SPATA13: variants seen among roughly 807,000 people sequenced by gnomAD.
SPATA13 encodes the protein spermatogenesis-associated protein 13.
SPATA13 carries 50 observed loss-of-function variants against 104.0 expected under a neutral mutation model. The ratio of observed to expected loss-of-function variants is 0.48; its 90% CI spans 0.38 to 0.61. The LOEUF (loss-of-function observed/expected upper bound fraction) is 0.61. Ranked by LOEUF, SPATA13 falls within the 20% of genes least tolerant of loss-of-function variation. The probability of loss-of-function intolerance (pLI) is 0.00; values close to 1 mark genes in which losing one functional copy is unlikely to be tolerated. For synonymous variants in SPATA13, 606 were observed against 667.5 expected, an observed-to-expected ratio of 0.91 and a Z score of 1.42; for missense variants, 1,524 against 1,690.6, an observed-to-expected ratio of 0.90 and a Z score of 1.73.
chr13:24,120,093 C>T (rs1880986029), intron 3 of SPATA13, among the ~76,000 whole-genome samples: 2 of 152,104 alleles, frequency 1.3e-5, no homozygotes, highest in African/African-American at 4.8e-5. Context: ...GGATCAGGTG[C>T]AGGCCTGCTG....
At chr13:24,212,022 G>T (rs1871048076) in intron 1 of SPATA13, among the ~76,000 whole-genome samples, 1 of 152,094 alleles carries the variant, frequency 6.6e-6, no homozygotes, top group Non-Finnish European at 1.5e-5. Flanking sequence ...TCCCCTACTA[G>T]TGTGTCTACC....
chr13:24,067,618 G>A (rs986337590), intron 3 of SPATA13, among the ~76,000 whole-genome samples: 1 of 152,210 alleles, frequency 6.6e-6, no homozygotes, highest in African/African-American at 2.4e-5. Flanking sequence ...AGTTAACAGC[G>A]TGGAAGGCTC....
At chr13:24,211,918 G>T (rs556991870) in intron 1 of SPATA13, among the ~76,000 whole-genome samples, 1 of 152,218 alleles carries the variant, frequency 6.6e-6, no homozygotes, top group South Asian at 2.1e-4. Context: ...CCGTGTGTCG[G>T]CTGAAGGAGG....
Position 24,011,005 on chromosome 13 carries a change from G to A in SPATA13, c.-146-6662G>A, listed in dbSNP as rs1876447685. 6.6e-6 allele frequency among the ~76,000 whole-genome samples: 1 copy of A among 152,094 alleles called. No individual in the cohort carries two copies. Among genetic ancestry groups the A allele is most frequent in the Non-Finnish European group, 1.5e-5 (1 of 68,018 alleles). ...AGGAATGTTCCCTCTCTGCCTTACT[G>A]CTTTCTTCTGTCTTTCCCTCTGCAC... On this transcript the variant is annotated intron_variant, in intron 2 of 14. Transcript: ENST00000424834. This position sits in a 1 kb window ranked among gnomAD's most constrained non-coding sequence, Gnocchi z 4.3.
intron 3 of SPATA13, among the ~76,000 whole-genome samples, chr13:24,022,975 A>G (rs1461213060): frequency 1.3e-5 from 2 of 152,116 alleles, no homozygotes; most frequent in East Asian, 1.9e-4. Context: ...GTTCTAGGGT[A>G]CATGTGCACA....
upstream of SPATA13, among the ~76,000 whole-genome samples, chr13:24,155,961 C>A (rs1882244925): frequency 6.6e-6 from 1 of 152,166 alleles, no homozygotes; most frequent in Non-Finnish European, 1.5e-5. Flanking sequence ...TGGGCTTATG[C>A]ATTTAATGTA....
At chr13:24,091,702 T>C (rs550920225) in intron 3 of SPATA13, among the ~76,000 whole-genome samples, 3 of 152,134 alleles carry the variant, frequency 2.0e-5, no homozygotes, top group Non-Finnish European at 4.4e-5. Flanking sequence ...TCCCAGGTAC[T>C]AAGGAGGCTG....
rs556129246 is a variant in SPATA13 at position 24,242,256 on chromosome 13, C to A, written c.1654-7221C>A. 8.5e-5 allele frequency among the ~76,000 whole-genome samples: 13 copies of A among 152,090 alleles called. No homozygotes were observed. The South Asian group carries it at 2.7e-3, about 32-fold the overall frequency. ...GTGAAGGTGAGGGCTGTGGGAGGAA[C>A]CAACACAGAAGAGTCCAAGCCGGAT... On this transcript the variant is annotated intron_variant, in intron 2 of 12. Transcript: ENST00000382108.
chr13:24,027,474 TTTA>T (rs1177051711), intron 3 of SPATA13, among the ~76,000 whole-genome samples: 1 of 152,172 alleles, frequency 6.6e-6, no homozygotes, highest in Non-Finnish European at 1.5e-5. Context: ...GTTTAGTGAT[TTTA>T]TTAATATTTC....
chr13:24,013,644 C>T (rs1357725111), intron 2 of SPATA13, among the ~76,000 whole-genome samples: 1 of 152,020 alleles, frequency 6.6e-6, no homozygotes, highest in Non-Finnish European at 1.5e-5. Context: ...TAACCTACAC[C>T]CATCGCTTTC....
intron 3 of SPATA13, among the ~76,000 whole-genome samples, chr13:24,120,983 C>T (rs1408168977): frequency 3.3e-5 from 5 of 152,158 alleles, no homozygotes; most frequent in East Asian, 3.9e-4. Flanking sequence ...AGATAACAAA[C>T]GATAACGAGG....
chr13:24,300,969 G>A (rs142739512), intron 12 of SPATA13, among the ~76,000 whole-genome samples: 30 of 152,260 alleles, frequency 2.0e-4, no homozygotes, highest in African/African-American at 5.5e-4. Context: ...AAAAAGACAC[G>A]TGAGCTGATT....
intron 4 of SPATA13, 152 bp from the exon 5 acceptor site, chr13:24,283,983 G>T: frequency 1.3e-6 from 1 of 745,090 alleles, no homozygotes; most frequent in Non-Finnish European, 2.1e-6. Context: ...CTTAACTTTG[G>T]AGTAATGTAG....
chr13:24,146,282 C>T (rs1881929337), intron 3 of SPATA13, among the ~76,000 whole-genome samples: 1 of 152,234 alleles, frequency 6.6e-6, no homozygotes, highest in Non-Finnish European at 1.5e-5. Flanking sequence ...GGCACTCCAG[C>T]TTCACTGACA....
intron 3 of SPATA13, among the ~76,000 whole-genome samples, chr13:24,119,924 C>T (rs527335683): frequency 1.3e-4 from 20 of 152,284 alleles, no homozygotes; most frequent in African/African-American, 4.8e-4. Context: ...AACAGAATTC[C>T]CATTAGCTTT....
chr13:24,052,209 A>C (rs938152890), intron 3 of SPATA13, among the ~76,000 whole-genome samples: 1 of 152,146 alleles, frequency 6.6e-6, no homozygotes, highest in African/African-American at 2.4e-5. Context: ...CCAAGTCTTT[A>C]TTTCTTGGTT....
rs546993891 is a variant in SPATA13, at chr13:24,246,594, T to C, written c.1654-2883T>C. Among the ~76,000 whole-genome samples, 3 of 152,320 alleles carry C rather than the reference T, an allele frequency of 2.0e-5. No individual in the cohort carries two copies. In the South Asian group the frequency reaches 6.2e-4, roughly 32 times the overall value. On this transcript the variant is annotated intron_variant, in intron 2 of 12. Coordinates refer to ENST00000382108, the MANE Select transcript of SPATA13 (RefSeq NM_001166271.3). ...TGTGACTCAGGCCGGGTGTGGTGGCTCACGCCTGTAATCCCAGCACTTTGG... is the reference window on the plus strand; with the variant it reads ...TGTGACTCAGGCCGGGTGTGGTGGCCCACGCCTGTAATCCCAGCACTTTGG...
At chr13:24,140,442 A>G (rs961918445) in intron 3 of SPATA13, among the ~76,000 whole-genome samples, 17 of 152,226 alleles carry the variant, frequency 1.1e-4, no homozygotes, top group Non-Finnish European at 7.3e-5. Context: ...TTTCATTTTC[A>G]AAAACCTTTA....
intron 3 of SPATA13, among the ~76,000 whole-genome samples, chr13:24,136,549 GGAAA>G (rs1308346306): frequency 2.0e-5 from 3 of 152,004 alleles, no homozygotes; most frequent in Non-Finnish European, 4.4e-5. Flanking sequence ...GGGAAAGAAA[GGAAA>G]GAAAGAGAAC....
Sources: gnomAD v4.1 joint callset for allele counts (sites outside exome capture counted in the v4.1 genomes callset) on GRCh38, gnomAD v4.1.1 for gene constraint, Gnocchi (gnomAD v3.1) non-coding constraint, MANE v1.5 for transcripts, NCBI Gene and HGNC (gene_info 2026-07-23, HGNC 2026-07-21) for gene names.